KATNAL2: variants seen among roughly 807,000 people sequenced by gnomAD.
KATNAL2 encodes katanin catalytic subunit A1 like 2, also known as katanin p60 ATPase-containing subunit A-like 2.
Under a neutral mutation model 76.3 loss-of-function variants are expected in KATNAL2, and 52 were observed. The ratio of observed to expected loss-of-function variants is 0.68; its 90% CI spans 0.55 to 0.86. The LOEUF is 0.86. Ranked by LOEUF, KATNAL2 falls within the 40% of genes least tolerant of loss-of-function variation. The pLI is 0.00. For missense variants in KATNAL2, 660 were observed against 668.9 expected (o/e 0.99, Z 0.15); for synonymous variants, 243 against 244.2 (o/e 1.00, Z 0.05).
intron 4 of KATNAL2, among the ~76,000 whole-genome samples, chr18:47,047,909 G>A (rs1599656445): frequency 1.3e-5 from 2 of 152,096 alleles, no homozygotes; most frequent in East Asian, 3.9e-4. Context: ...GGATCTTGCT[G>A]TTGCTCAGGC....
chr18:47,099,407 T>C lies in KATNAL2; in HGVS notation c.1374+2T>C. 6.2e-7 allele frequency: 1 copy of C among 1,607,778 alleles called. No individual in the cohort carries two copies. Among genetic ancestry groups the C allele is most frequent in the South Asian group, 1.1e-5 (1 of 90,390 alleles). ...CTGGAGTACAGTGTGCTGAGCCAGGTCAGCTGCCCTGGAGAGGGGCACATG... is the reference window on the plus strand; with the variant it reads ...CTGGAGTACAGTGTGCTGAGCCAGGCCAGCTGCCCTGGAGAGGGGCACATG... On this transcript the variant is annotated splice_donor_variant, in intron 16 of 17. Transcript: ENST00000683218. LOFTEE classifies it high-confidence loss of function.
intron 1 of KATNAL2, among the ~76,000 whole-genome samples, chr18:46,937,610 C>T (rs2059131438): frequency 6.6e-6 from 1 of 152,108 alleles, no homozygotes; most frequent in South Asian, 2.1e-4. Context: ...CAATGTAACA[C>T]ACAAATTTTA....
At chr18:47,086,382 T>C (rs902989853) in intron 15 of KATNAL2, among the ~76,000 whole-genome samples, 3 of 152,156 alleles carry the variant, frequency 2.0e-5, no homozygotes, top group African/African-American at 7.2e-5. Context: ...AGTGGCACGA[T>C]CTCGGCTCAC....
Position 47,067,118 on chromosome 18 carries a change from G to A in KATNAL2, c.824G>A (p.Arg275Lys). 6.6e-7 allele frequency: 1 copy of A among 1,519,106 alleles called. No homozygotes were observed. Among genetic ancestry groups the A allele is most frequent in the Non-Finnish European group, 9.0e-7 (1 of 1,108,898 alleles). The allele number at this position is 1,519,106 out of a possible 1,614,324, so 94.1% of individuals were successfully genotyped here. A position where few individuals can be genotyped will look rare whatever the true frequency, so the allele number is the denominator to read the frequency against. The change falls in exon 11 of 18, where the codon AGG becomes AAG. Residue 275 changes from arginine to lysine, a missense_variant and splice_region_variant. Transcript: ENST00000683218. ...LVKEAVVYPI[R>K]YPQLFTGILS... Reference sequence around the variant, plus strand: ...AAAGAAGCTGTTGTGTATCCTATAAGGGTAAGGACGGGAAGCCTCTTGGGG... The same window carrying A: ...AAAGAAGCTGTTGTGTATCCTATAAAGGTAAGGACGGGAAGCCTCTTGGGG...
chr18:47,054,932 C>A (rs1230035523), intron 6 of KATNAL2, among the ~76,000 whole-genome samples: 3 of 152,252 alleles, frequency 2.0e-5, no homozygotes, highest in Admixed American at 2.0e-4. Context: ...CTTCGCCAGT[C>A]CTGACCAGTG....
At chr18:46,943,929 G>A (rs2059315416) in intron 1 of KATNAL2, among the ~76,000 whole-genome samples, 1 of 152,192 alleles carries the variant, frequency 6.6e-6, no homozygotes, top group Admixed American at 6.5e-5. Context: ...CAGAGATCTA[G>A]CATGATTGTA....
At position 46,946,509 on chromosome 18, in the gene KATNAL2, G is replaced by A. The variant is rs2059384197; in HGVS notation, c.-57G>A. On this transcript the variant is annotated 5_prime_UTR_variant, in exon 2 of 18. Coordinates refer to ENST00000683218, the MANE Select transcript of KATNAL2 (RefSeq NM_001387690.1). Reference sequence around the variant, plus strand: ...GGGTATAGAAGCATTGGGTCGCAAAGACCTGAACAACGGCTGAAATCAAGG... The same window carrying A: ...GGGTATAGAAGCATTGGGTCGCAAAAACCTGAACAACGGCTGAAATCAAGG... 1 of 985,464 alleles carries A rather than the reference G, an allele frequency of 1.0e-6. No individual in the cohort carries two copies. 61.0% of individuals were successfully genotyped at this position (985,464 alleles called of 1,614,324 possible). A position where few individuals can be genotyped will look rare whatever the true frequency, so the allele number is the denominator to read the frequency against.
chr18:47,077,537 A>G, intron 15 of KATNAL2, 76 bp downstream of exon 15: 1 of 980,832 alleles, frequency 1.0e-6, no homozygotes, highest in Non-Finnish European at 1.6e-6. Context: ...TATATTGACC[A>G]CTTCAGGCAA....
intron 3 of KATNAL2, among the ~76,000 whole-genome samples, chr18:46,955,138 CTCTCTTTCTTTCTT>C (rs1569015629): frequency 3.1e-5 from 4 of 128,996 alleles, no homozygotes; most frequent in African/African-American, 9.3e-5. Flanking sequence ...TTCTTTCTCT[CTCTCTTTCTTTCTT>C]TCTTTCTTTC....
At chr18:47,051,125 C>T (rs2061328668) in intron 4 of KATNAL2, among the ~76,000 whole-genome samples, 1 of 152,128 alleles carries the variant, frequency 6.6e-6, no homozygotes, top group Non-Finnish European at 1.5e-5. Context: ...AAAGTCCCGT[C>T]CTGTCGCTCT....
Position 47,100,970 on chromosome 18 carries a change from T to C in KATNAL2, c.1582T>C (p.Tyr528His), listed in dbSNP as rs1375140684. 5 of 1,613,970 alleles carry C rather than the reference T, an allele frequency of 3.1e-6. No homozygotes were observed. The highest frequency in any genetic ancestry group is 3.3e-5 in the Admixed American group (2 of 60,004). The change falls in exon 18 of 18, where the codon TAC becomes CAC. Residue 528 changes from tyrosine to histidine, a missense_variant. Transcript: ENST00000683218. ...CTCCGCAAAGAATCTGGCTCAGAGA[T>C]ACTCAGACTGGCAAAGAGAGTTCGA... is the stretch of plus-strand genomic sequence containing the variant. ...KPSAKNLAQRYSDWQREFESV is the reference protein window; with the variant it reads ...KPSAKNLAQRHSDWQREFESV
chr18:47,034,411 C>A lies in KATNAL2; in HGVS notation c.52-12046C>A, dbSNP rs1213560157. ...ACGCTGGCCGCTGCCAGCTTGCCCC[C>A]CTTCCTTGTCTGTCTTGAAGTCCGA... is the stretch of plus-strand genomic sequence containing the variant. On this transcript the variant is annotated intron_variant, in intron 3 of 17. Coordinates refer to ENST00000683218, the MANE Select transcript of KATNAL2 (RefSeq NM_001387690.1). 3.1e-6 allele frequency: 5 copies of A among 1,614,100 alleles called. No homozygotes were observed. The highest frequency in any genetic ancestry group is 4.2e-6 in the Non-Finnish European group (5 of 1,180,040).
At chr18:47,085,968 C>T (rs1240863571) in intron 15 of KATNAL2, among the ~76,000 whole-genome samples, 1 of 151,816 alleles carries the variant, frequency 6.6e-6, no homozygotes, top group Admixed American at 6.6e-5. Flanking sequence ...TGGTGTGTGC[C>T]TATAGTCCCA....
chr18:47,033,832 G>C (rs762560180), intron 3 of KATNAL2: 1 of 1,614,156 alleles, frequency 6.2e-7, no homozygotes, highest in Non-Finnish European at 8.5e-7. Flanking sequence ...GTCAGAATCC[G>C]AAAGCGGATC....
At chr18:47,036,533 C>G (rs912409798) in intron 3 of KATNAL2, among the ~76,000 whole-genome samples, 1 of 152,156 alleles carries the variant, frequency 6.6e-6, no homozygotes, top group African/African-American at 2.4e-5. Context: ...TCCAGTGTAG[C>G]CATGTTTTAT....
chr18:47,060,647 C>T (rs924032242), intron 8 of KATNAL2, among the ~76,000 whole-genome samples: 15 of 152,186 alleles, frequency 9.9e-5, no homozygotes, highest in African/African-American at 3.4e-4. Flanking sequence ...AGTGCTCAAA[C>T]CTCTGGAGTG....
Position 47,046,263 on chromosome 18 carries a change from A to G in KATNAL2, c.52-194A>G, listed in dbSNP as rs1050455935. Reference sequence around the variant, plus strand: ...AAAATCATTGTCCCTTAAGTTTACAATTGAGAAGGCAGCTGTGAGAAGAAA... The same window carrying G: ...AAAATCATTGTCCCTTAAGTTTACAGTTGAGAAGGCAGCTGTGAGAAGAAA... On this transcript the variant is annotated intron_variant, in intron 3 of 17. Coordinates refer to ENST00000683218, the MANE Select transcript of KATNAL2 (RefSeq NM_001387690.1). The G allele has an allele frequency of 3.6e-5, 21 of 579,554 alleles. No homozygotes were observed. The South Asian group carries it at 4.3e-4, about 12-fold the overall frequency. The allele number at this position is 579,554 out of a possible 1,614,324, so 35.9% of individuals were successfully genotyped here.
rs953034225 is a variant in KATNAL2, at chr18:46,946,355, A to G, written c.-211A>G. 5 of 1,027,036 alleles carry G rather than the reference A, an allele frequency of 4.9e-6. No homozygotes were observed. In the African/African-American group the frequency reaches 5.2e-5, roughly 11 times the overall value. 63.6% of individuals were successfully genotyped at this position (1,027,036 alleles called of 1,614,324 possible). ...CATCCCAGAAGGCTCTTGACAACCA[A>G]AGTGTCCACAGCAGATTCGTCCAGT... On this transcript the variant is annotated 5_prime_UTR_variant, in exon 2 of 18. Transcript: ENST00000683218.
At chr18:47,059,362 C>A (rs1050547177) in intron 7 of KATNAL2, among the ~76,000 whole-genome samples, 194 bp from the exon 8 acceptor site, 2 of 152,254 alleles carry the variant, frequency 1.3e-5, no homozygotes, top group African/African-American at 4.8e-5. Flanking sequence ...CCAGGGACAA[C>A]TCTTTCCACA....
Sources: allele counts gnomAD v4.1 joint callset (sites outside exome capture counted in the v4.1 genomes callset), GRCh38; gene constraint gnomAD v4.1.1; transcripts MANE v1.5; gene names NCBI Gene and HGNC (gene_info 2026-07-23, HGNC 2026-07-21).